The following MLLT3 variants were observed in gnomAD, a reference collection of about 807,000 sequenced individuals.
The protein encoded by MLLT3 is MLLT3 super elongation complex subunit, also known as protein AF-9.
In MLLT3, 4 loss-of-function variants were observed where a neutral mutation model predicts 53.2. That is an observed-to-expected ratio of 0.08 (90% CI 0.04 to 0.17). MLLT3 has a LOEUF of 0.17. Among genes scored for constraint, MLLT3 ranks in the 10% least tolerant of loss-of-function variants. The pLI is 1.00. For missense variants in MLLT3, 569 were observed against 684.0 expected (o/e 0.83, Z 1.87); for synonymous variants, 283 against 230.6 (o/e 1.23, Z -2.06).
At chr9:20,536,188 C>A (rs1818479009) in intron 2 of MLLT3, among the ~76,000 whole-genome samples, 1 of 151,702 alleles carries the variant, frequency 6.6e-6, no homozygotes, top group African/African-American at 2.4e-5. Context: ...CAAAACAAAA[C>A]AAAACAAAAC....
At chr9:20,601,725 T>C (rs1319931067) in intron 2 of MLLT3, among the ~76,000 whole-genome samples, 1 of 151,008 alleles carries the variant, frequency 6.6e-6, no homozygotes, top group Non-Finnish European at 1.5e-5. Flanking sequence ...TCTTTTTTTG[T>C]TCCTTTGAGA....
Position 20,359,064 on chromosome 9 carries a change from G to C in MLLT3, c.1431+1678C>G, listed in dbSNP as rs1821248727. ...CGGGGCTGAGGCAGGAGAATCGCTT[G>C]AACCCAGGAGGCGGAGGTTGCAGTG... On this transcript the variant is annotated intron_variant, in intron 8 of 10. Transcript: ENST00000380338. Among the ~76,000 whole-genome samples, 3 of 138,670 alleles carry C rather than the reference G, an allele frequency of 2.2e-5. No homozygotes were observed. In the Admixed American group the frequency reaches 2.4e-4, roughly 11 times the overall value. The allele number at this position is 138,670 out of a possible 152,430, so 91.0% of individuals were successfully genotyped here. A position where few individuals can be genotyped will look rare whatever the true frequency, so the allele number is the denominator to read the frequency against.
chr9:20,425,122 T>C (rs960083786), intron 4 of MLLT3, among the ~76,000 whole-genome samples: 22 of 152,160 alleles, frequency 1.4e-4, no homozygotes, highest in Admixed American at 2.6e-4. Context: ...TCAAGGGACA[T>C]TGTCCATAGT....
chr9:20,377,727 C>G (rs779245983), intron 5 of MLLT3, among the ~76,000 whole-genome samples: 7 of 152,030 alleles, frequency 4.6e-5, no homozygotes, highest in Non-Finnish European at 8.8e-5. Flanking sequence ...AAATGTGAAA[C>G]CTGGATTTAC....
At chr9:20,434,306 C>A (rs374431015) in intron 4 of MLLT3, among the ~76,000 whole-genome samples, 1 of 151,880 alleles carries the variant, frequency 6.6e-6, no homozygotes, top group African/African-American at 2.4e-5. Context: ...TCAGGGACAA[C>A]GGAGCATCAA....
intron 2 of MLLT3, among the ~76,000 whole-genome samples, chr9:20,505,773 G>A (rs1016287210): frequency 1.3e-5 from 2 of 152,148 alleles, no homozygotes; most frequent in East Asian, 1.9e-4. Context: ...CCTGTATTGC[G>A]TCACCTCGGA....
chr9:20,517,424 G>T (rs937905884), intron 2 of MLLT3, among the ~76,000 whole-genome samples: 3 of 151,166 alleles, frequency 2.0e-5, no homozygotes, highest in Admixed American at 2.0e-4. Flanking sequence ...GTTTTTTAGG[G>T]TCAGCCTAGT....
chr9:20,494,627 G>GCAT (rs1825031370), intron 2 of MLLT3, among the ~76,000 whole-genome samples: 3 of 74,220 alleles, frequency 4.0e-5, no homozygotes, highest in African/African-American at 2.1e-4. Flanking sequence ...AGTGTTTTCA[G>GCAT]GCTGCCACTT....
intron 2 of MLLT3, among the ~76,000 whole-genome samples, chr9:20,506,800 T>A (rs1363547349): frequency 6.6e-6 from 1 of 152,194 alleles, no homozygotes; most frequent in Admixed American, 6.5e-5. Context: ...TTCATTTTAG[T>A]CAGCATATGG....
chr9:20,616,014 T>C (rs1025969123), intron 2 of MLLT3, among the ~76,000 whole-genome samples: 11 of 152,172 alleles, frequency 7.2e-5, no homozygotes, highest in Admixed American at 1.3e-4. Context: ...TTAATTTCTT[T>C]AAAATGTCTC....
chr9:20,403,819 CT>C (rs1332165186), intron 5 of MLLT3, among the ~76,000 whole-genome samples: 5 of 151,906 alleles, frequency 3.3e-5, no homozygotes, highest in Admixed American at 2.6e-4. Flanking sequence ...AGATACTAAA[CT>C]TTTTTTTGTT....
rs530969840 is a variant in MLLT3, at chr9:20,364,776, T to C, written c.1201+893A>G. ...AGCCATCAGGAATTCAGTGTGGTCA[T>C]TGAAAAAGGTAATGTTCAATACTAT... On this transcript the variant is annotated intron_variant, in intron 6 of 10. Coordinates refer to ENST00000380338, the MANE Select transcript of MLLT3 (RefSeq NM_004529.4). Among the ~76,000 whole-genome samples, 24 of 152,326 alleles carry C rather than the reference T, an allele frequency of 1.6e-4. No individual in the cohort carries two copies. The Middle Eastern group carries it at 0.01, about 65-fold the overall frequency.
In MLLT3 at chr9:20,346,460, T is replaced by C. The variant is rs1290448903; in HGVS notation, c.1690A>G (p.Thr564Ala). 1 of 1,613,366 alleles carries C rather than the reference T, an allele frequency of 6.2e-7. No individual in the cohort carries two copies. Among genetic ancestry groups the C allele is most frequent in the Non-Finnish European group, 8.5e-7 (1 of 1,179,720 alleles). ...TTATATCCTCAGGATGTTCCAGATG[T>C]TTCCAGGTAACTCTGTAGTTTACGG... ...TVRKLQSYLE[T>A]SGTS Residue 564 changes from threonine to alanine, a missense_variant, in exon 11 of 11, where the codon ACA (threonine) becomes GCA (alanine). Physicochemically the swap from Thr to Ala is moderately conservative, Grantham distance 58. This residue lies in a region of MLLT3 where 45 missense variants were observed against 85.5 expected (regional missense o/e 0.53). Transcript: ENST00000380338.
chr9:20,591,302 TA>T (rs1820123712), intron 2 of MLLT3, among the ~76,000 whole-genome samples: 2 of 152,154 alleles, frequency 1.3e-5, no homozygotes, highest in Admixed American at 6.5e-5. Context: ...GGGGTGCATT[TA>T]AAAATTCACA....
intron 3 of MLLT3, among the ~76,000 whole-genome samples, chr9:20,456,208 G>A (rs1290732324): frequency 6.6e-6 from 1 of 151,902 alleles, no homozygotes; most frequent in Non-Finnish European, 1.5e-5. Flanking sequence ...CAAAGTGCTG[G>A]GATTACAGGT....
At position 20,593,777 on chromosome 9, in the gene MLLT3, G is replaced by C. The variant is rs150742679; in HGVS notation, c.193+26877C>G. Among the ~76,000 whole-genome samples, 525 of 152,294 alleles carry C rather than the reference G, an allele frequency of 3.4e-3. 4 individuals are homozygous for C. Among genetic ancestry groups the C allele is most frequent in the African/African-American group, 0.012 (505 of 41,562 alleles). On this transcript the variant is annotated intron_variant, in intron 2 of 10. Transcript: ENST00000380338. ...TCTGGGCACGTACTGGAATCAGCCA[G>C]CAACTTCAGACTATCAGCTTGGTTC...
At chr9:20,440,921 A>C (rs1823531284) in intron 4 of MLLT3, among the ~76,000 whole-genome samples, 1 of 152,104 alleles carries the variant, frequency 6.6e-6, no homozygotes, top group Non-Finnish European at 1.5e-5. Flanking sequence ...TCAAAACTAA[A>C]TTACGGTTAC....
chr9:20,389,974 A>C (rs1416822336), intron 5 of MLLT3, among the ~76,000 whole-genome samples: 1 of 152,220 alleles, frequency 6.6e-6, no homozygotes, highest in Admixed American at 6.5e-5. Context: ...GTTAAAATGT[A>C]ATTAAGTTAT....
chr9:20,483,782 A>G (rs1007146726), intron 2 of MLLT3, among the ~76,000 whole-genome samples: 8 of 132,004 alleles, frequency 6.1e-5, no homozygotes, highest in Admixed American at 2.9e-4. Flanking sequence ...ATCTTGGCTC[A>G]CTGCAAGGTC....
Sources: allele counts gnomAD v4.1 joint callset (sites outside exome capture counted in the v4.1 genomes callset), GRCh38; gene constraint gnomAD v4.1.1; regional missense constraint gnomAD v4.1.1; transcripts MANE v1.5; gene names NCBI Gene and HGNC (gene_info 2026-07-23, HGNC 2026-07-21).